The following VANGL2 variants were observed in gnomAD, a reference collection of about 807,000 sequenced individuals.
VANGL2 encodes the protein VANGL planar cell polarity protein 2, also known as vang-like protein 2.
VANGL2 carries 14 observed loss-of-function variants against 50.2 expected under a neutral mutation model. The ratio of observed to expected loss-of-function variants is 0.28; its 90% CI spans 0.18 to 0.44. The LOEUF (loss-of-function observed/expected upper bound fraction) is 0.44. Ranked by LOEUF, VANGL2 falls within the 20% of genes least tolerant of loss-of-function variation. The pLI is 1.00. For missense variants in VANGL2, 533 were observed against 701.5 expected, an observed-to-expected ratio of 0.76 and a Z score of 2.71; for synonymous variants, 295 against 297.2, an observed-to-expected ratio of 0.99 and a Z score of 0.08.
chr1:160,415,700 T>C lies in VANGL2; in HGVS notation c.-138T>C. On this transcript the variant is annotated 5_prime_UTR_variant, in exon 2 of 8. Coordinates refer to ENST00000368061, the MANE Select transcript of VANGL2 (RefSeq NM_020335.3). Reference sequence around the variant, plus strand: ...AGCCCACCCGTCCAGCAAAATAGAGTCCCTCAGGGTGACAGTTGACTTCCT... The same window carrying C: ...AGCCCACCCGTCCAGCAAAATAGAGCCCCTCAGGGTGACAGTTGACTTCCT... 1 of 951,960 alleles carries C rather than the reference T, an allele frequency of 1.1e-6. No individual in the cohort carries two copies. 59.0% of individuals were successfully genotyped at this position (951,960 alleles called of 1,614,324 possible). A position where few individuals can be genotyped will look rare whatever the true frequency, so the allele number is the denominator to read the frequency against.
chr1:160,401,936 A>G (rs576854892), intron 1 of VANGL2, among the ~76,000 whole-genome samples: 122 of 151,782 alleles, frequency 8.0e-4, no homozygotes, highest in Non-Finnish European at 1.0e-3. Flanking sequence ...GCTGGTATGT[A>G]TGTTTCTGAG....
rs17380127 is a variant in VANGL2, at chr1:160,425,147, A to C, written c.1335A>C (p.Gly445=). 0.27 allele frequency: 442,513 copies of C among 1,613,818 alleles called. 62,626 individuals carry two copies. Among genetic ancestry groups the C allele is most frequent in the South Asian group, 0.29 (26,754 of 91,074 alleles). The stretch of plus-strand genomic sequence containing the variant: ...TCTTGGAGCGATACTTGGCGGCTGG[A>C]CCTACCATCCAGTACCACAAGGAAC... ...KAFLERYLAA[G]PTIQYHKERW... Residue 445 remains glycine, a synonymous_variant, in exon 8 of 8, where the codon GGA becomes GGC. Transcript: ENST00000368061.
chr1:160,408,537 G>A (rs1032037525), intron 1 of VANGL2, among the ~76,000 whole-genome samples: 2 of 152,142 alleles, frequency 1.3e-5, no homozygotes, highest in Non-Finnish European at 2.9e-5. Flanking sequence ...AAGCCTAGAT[G>A]CCTGGATGAC....
chr1:160,416,429 A>G (rs937343052), intron 3 of VANGL2, among the ~76,000 whole-genome samples: 1 of 152,124 alleles, frequency 6.6e-6, no homozygotes, highest in Non-Finnish European at 1.5e-5. Context: ...GTGGGGGGTG[A>G]CCTGGGCTGT....
In VANGL2 at chr1:160,424,218, T is replaced by C. The variant is rs1651371866; in HGVS notation, c.1240T>C (p.Tyr414His). 1 of 1,614,158 alleles carries C rather than the reference T, an allele frequency of 6.2e-7. No individual in the cohort carries two copies. The highest frequency in any genetic ancestry group is 8.5e-7 in the Non-Finnish European group (1 of 1,180,028). Reference sequence around the variant, plus strand: ...CCTTCGGACCACCAAGCAGCAGCCCTACCACACCATGGAGAGCATCCTGCA... The same window carrying C: ...CCTTCGGACCACCAAGCAGCAGCCCCACCACACCATGGAGAGCATCCTGCA... ...KYLRTTKQQP[Y>H]HTMESILQHL... is the part of the protein sequence containing the mutation. Residue 414 changes from tyrosine (Y) to histidine (H), a missense_variant, in exon 7 of 8, where the codon TAC (tyrosine) becomes CAC (histidine). Coordinates refer to ENST00000368061, the MANE Select transcript of VANGL2 (RefSeq NM_020335.3).
chr1:160,419,011 T>G lies in VANGL2; in HGVS notation c.202T>G (p.Trp68Gly), dbSNP rs1211843233. 1.9e-6 allele frequency: 3 copies of G among 1,605,700 alleles called. No individual in the cohort carries two copies. The highest frequency in any genetic ancestry group is 2.6e-6 in the Non-Finnish European group (3 of 1,173,844). The change falls in exon 4 of 8, where the codon TGG becomes GGG. Residue 68 changes from tryptophan (W) to glycine (G), a missense_variant. Physicochemically the swap from Trp to Gly is radical, Grantham distance 184 (BLOSUM62 -2). Coordinates refer to ENST00000368061, the MANE Select transcript of VANGL2 (RefSeq NM_020335.3). This position sits in a 1 kb window ranked among gnomAD's most constrained non-coding sequence, Gnocchi z 5.8. ...CCCCTTCTGCCTGTAGGATGACAAC[T>G]GGGGGGAAACGACGACAGTAGTAAC... is the stretch of plus-strand genomic sequence containing the variant. ...STRGDERDDNWGETTTVVTGT... is the reference protein window; with the variant it reads ...STRGDERDDNGGETTTVVTGT...
Position 160,425,486 on chromosome 1 carries a change from C to CA in VANGL2, c.*108_*109insA. 3.8e-6 allele frequency: 3 copies of CA among 782,580 alleles called. No individual in the cohort carries two copies. The highest frequency in any genetic ancestry group is 5.5e-6 in the Non-Finnish European group (3 of 549,844). 48.5% of individuals were successfully genotyped at this position (782,580 alleles called of 1,614,324 possible). A position where few individuals can be genotyped will look rare whatever the true frequency, so the allele number is the denominator to read the frequency against. ...TCCTGCCACCCTTCTTCTTCTTGCTCTTTTTTTTTTACTTGAATTAACGCA... is the reference window on the plus strand; with the variant it reads ...TCCTGCCACCCTTCTTCTTCTTGCTCATTTTTTTTTTACTTGAATTAACGCA... On this transcript the variant is annotated 3_prime_UTR_variant, in exon 8 of 8. Transcript: ENST00000368061.
intron 5 of VANGL2, 23 bp from the exon 6 acceptor site, chr1:160,421,029 T>TC: frequency 1.2e-6 from 2 of 1,614,006 alleles, no homozygotes; most frequent in Non-Finnish European, 1.7e-6. Flanking sequence ...TGTGACCATC[T>TC]CCTCTATCCT....
In VANGL2 at chr1:160,415,675, A is replaced by G; in HGVS notation, c.-163A>G. 1 of 791,394 alleles carries G rather than the reference A, an allele frequency of 1.3e-6. No homozygotes were observed. Among genetic ancestry groups the G allele is most frequent in the Admixed American group, 2.4e-5 (1 of 40,864 alleles). The allele number at this position is 791,394 out of a possible 1,614,324, so 49.0% of individuals were successfully genotyped here. On this transcript the variant is annotated 5_prime_UTR_variant, in exon 2 of 8. Coordinates refer to ENST00000368061, the MANE Select transcript of VANGL2 (RefSeq NM_020335.3). Reference sequence around the variant, plus strand: ...GCGTCGCTGGATTTTCTCTGAGACAAGCCCACCCGTCCAGCAAAATAGAGT... The same window carrying G: ...GCGTCGCTGGATTTTCTCTGAGACAGGCCCACCCGTCCAGCAAAATAGAGT...
intron 1 of VANGL2, among the ~76,000 whole-genome samples, chr1:160,411,143 TC>T (rs1216681617): frequency 1.3e-5 from 2 of 152,026 alleles, no homozygotes; most frequent in Non-Finnish European, 2.9e-5. Context: ...CTCTCTTCTC[TC>T]CCTCTCTCCT....
intron 6 of VANGL2, among the ~76,000 whole-genome samples, chr1:160,421,608 T>C (rs6427518): frequency 0.57 from 86,030 of 152,032 alleles, 25,617 homozygotes; most frequent in African/African-American, 0.76. Flanking sequence ...CTGGAGATAA[T>C]GCTGATTTTA....
intron 1 of VANGL2, among the ~76,000 whole-genome samples, chr1:160,406,736 G>GTT (rs113737311): frequency 2.1e-5 from 3 of 144,462 alleles, no homozygotes; most frequent in African/African-American, 7.5e-5. Context: ...GGGGGTTCTG[G>GTT]TTTTTTTTTT....
Position 160,425,421 on chromosome 1 carries a change from A to AGGGGGGGGGCCGGGG in VANGL2, c.*48_*49insGGGGCCGGGGGGGGG. ...GAGTGGGAAACTCTGGGGGGTCCTGAGGGGGTGGGAGGGGGCTTGGTTCTC... is the reference window on the plus strand; with the variant it reads ...GAGTGGGAAACTCTGGGGGGTCCTGAGGGGGGGGGCCGGGGGGGGGTGGGAGGGGGCTTGGTTCTC... On this transcript the variant is annotated 3_prime_UTR_variant, in exon 8 of 8. Transcript: ENST00000368061. The AGGGGGGGGGCCGGGG allele has an allele frequency of 7.3e-6, 1 of 136,726 alleles. No homozygotes were observed. Among genetic ancestry groups the AGGGGGGGGGCCGGGG allele is most frequent in the Non-Finnish European group, 1.0e-5 (1 of 96,568 alleles). The allele number at this position is 136,726 out of a possible 1,614,324, so 8.5% of individuals were successfully genotyped here.
intron 3 of VANGL2, among the ~76,000 whole-genome samples, 166 bp downstream of exon 3, chr1:160,416,348 A>G (rs955221712): frequency 2.0e-5 from 3 of 152,160 alleles, no homozygotes; most frequent in African/African-American, 7.2e-5. Flanking sequence ...GTCTTAAGGT[A>G]GGACCTTCAG....
rs181442016 is a variant in VANGL2 at position 160,419,967 on chromosome 1, C to T, written c.800+358C>T. Among the ~76,000 whole-genome samples, 6 of 152,218 alleles carry T rather than the reference C, an allele frequency of 3.9e-5. No individual in the cohort carries two copies. In the East Asian group the frequency reaches 1.2e-3, roughly 29 times the overall value. The stretch of plus-strand genomic sequence containing the variant: ...TAGTCCTTTCTGGGAGGCGCAGCTT[C>T]TTGTGAGCACTCAGAGTGGCCTGTG... On this transcript the variant is annotated intron_variant, in intron 4 of 7. Coordinates refer to ENST00000368061, the MANE Select transcript of VANGL2 (RefSeq NM_020335.3). This position sits in a 1 kb window ranked among gnomAD's most constrained non-coding sequence, Gnocchi z 5.8.
intron 1 of VANGL2, among the ~76,000 whole-genome samples, chr1:160,403,819 C>G (rs1157588881): frequency 1.3e-5 from 2 of 152,202 alleles, no homozygotes; most frequent in East Asian, 3.8e-4. Flanking sequence ...GCACATCCTC[C>G]AAGCCTAGAC....
At chr1:160,408,769 T>C (rs1464785352) in intron 1 of VANGL2, among the ~76,000 whole-genome samples, 1 of 152,218 alleles carries the variant, frequency 6.6e-6, no homozygotes, top group South Asian at 2.1e-4. Flanking sequence ...CTGTTCTCTC[T>C]GGCCTCCTGG....
intron 1 of VANGL2, 77 bp from the exon 2 acceptor site, chr1:160,415,571 G>T (rs1380185978): frequency 3.9e-6 from 2 of 519,116 alleles, no homozygotes; most frequent in Non-Finnish European, 7.0e-6. Flanking sequence ...TGTGGCTGTT[G>T]TGTGCAGATG....
chr1:160,424,232 G>C lies in VANGL2; in HGVS notation c.1254G>C (p.Glu418Asp). 6.2e-7 allele frequency: 1 copy of C among 1,614,206 alleles called. No individual in the cohort carries two copies. Among genetic ancestry groups the C allele is most frequent in the Non-Finnish European group, 8.5e-7 (1 of 1,180,034 alleles). ...TTKQQPYHTM[E>D]SILQHLEFCI... is the part of the protein sequence containing the mutation. ...AGCAGCAGCCCTACCACACCATGGA[G>C]AGCATCCTGCAGCACCTTGAATTCT... The change falls in exon 7 of 8, where the codon GAG becomes GAC. Residue 418 changes from glutamate (E) to aspartate (D), a missense_variant. Glu to Asp is a conservative substitution (Grantham distance 45). Coordinates refer to ENST00000368061, the MANE Select transcript of VANGL2 (RefSeq NM_020335.3).
Sources: gnomAD v4.1 joint callset for allele counts (sites outside exome capture counted in the v4.1 genomes callset) on GRCh38, gnomAD v4.1.1 for gene constraint, Gnocchi (gnomAD v3.1) non-coding constraint, MANE v1.5 for transcripts, NCBI Gene and HGNC (gene_info 2026-07-23, HGNC 2026-07-21) for gene names.